RP1: variants seen among roughly 807,000 people sequenced by gnomAD.
The protein encoded by RP1 is oxygen-regulated protein 1.
RP1 carries 16 observed loss-of-function variants against 14.8 expected under a neutral mutation model. The observed-to-expected ratio is 1.08, with a 90% CI of 0.73 to 1.65. The LOEUF is 1.65. Ranked by LOEUF, RP1 falls within the 40% of genes most tolerant of loss-of-function variation. The pLI is 0.00. For missense variants in RP1, 2,631 were observed against 2,535.0 expected, an observed-to-expected ratio of 1.04 and a Z score of -0.81; for synonymous variants, 876 against 883.6, an observed-to-expected ratio of 0.99 and a Z score of 0.15.
chr8:54,687,553 A>T (rs551082266), intron 12 of RP1, among the ~76,000 whole-genome samples: 57 of 152,140 alleles, frequency 3.7e-4, no homozygotes, highest in Non-Finnish European at 7.1e-4. Context: ...GAGTGAAAAC[A>T]TGCGGTGTTT....
intron 1 of RP1, among the ~76,000 whole-genome samples, chr8:54,601,871 C>A (rs939182854): frequency 3.3e-5 from 5 of 152,136 alleles, no homozygotes; most frequent in Non-Finnish European, 7.3e-5. Context: ...ATGAAATGTT[C>A]AAAATAGGCA....
intron 6 of RP1, among the ~76,000 whole-genome samples, chr8:54,657,878 T>C (rs1363374563): frequency 6.6e-6 from 1 of 152,240 alleles, no homozygotes; most frequent in Admixed American, 6.5e-5. Context: ...TCACAGTCTG[T>C]GTGAGCTACT....
intron 28 of RP1, among the ~76,000 whole-genome samples, chr8:54,869,410 T>C (rs1230742467): frequency 6.6e-6 from 1 of 152,226 alleles, no homozygotes; most frequent in Non-Finnish European, 1.5e-5. Flanking sequence ...TTTTACCTTC[T>C]TTTTACTTCT....
At chr8:54,622,078 A>G in intron 2 of RP1, 39 bp from the exon 3 acceptor site, 2 of 1,605,514 alleles carry the variant, frequency 1.2e-6, no homozygotes, top group East Asian at 2.2e-5. Context: ...TTAGTATAAA[A>G]TGTGCTCATC....
At chr8:54,661,056 G>T (rs1017557114) in intron 6 of RP1, among the ~76,000 whole-genome samples, 1 of 151,306 alleles carries the variant, frequency 6.6e-6, no homozygotes, top group Admixed American at 6.6e-5. Flanking sequence ...GTTTACACTT[G>T]TAATCCCAGC....
At chr8:54,640,084 A>C (rs1009382926) in intron 3 of RP1, among the ~76,000 whole-genome samples, 2 of 147,764 alleles carry the variant, frequency 1.4e-5, no homozygotes, top group African/African-American at 5.0e-5. Context: ...TTTAATTCTT[A>C]CTTTGGGTCT....
intron 24 of RP1, among the ~76,000 whole-genome samples, chr8:54,788,395 G>T (rs987528242): frequency 4.6e-5 from 7 of 152,054 alleles, no homozygotes; most frequent in Admixed American, 2.0e-4. Context: ...TTTGATTTTG[G>T]CATAACTCTG....
intron 5 of RP1, among the ~76,000 whole-genome samples, chr8:54,654,744 C>A (rs1445266173): frequency 6.6e-6 from 1 of 152,092 alleles, no homozygotes; most frequent in African/African-American, 2.4e-5. Flanking sequence ...ACTTCCCAGG[C>A]TCAAGCGATC....
chr8:54,827,306 A>T (rs1811405370), intron 24 of RP1, among the ~76,000 whole-genome samples: 2 of 151,378 alleles, frequency 1.3e-5, no homozygotes, highest in South Asian at 4.2e-4. Flanking sequence ...GTACAGCAGT[A>T]CAAAAATATT....
At chr8:54,668,400 T>C (rs1475281923) in intron 7 of RP1, among the ~76,000 whole-genome samples, 1 of 152,138 alleles carries the variant, frequency 6.6e-6, no homozygotes, top group African/African-American at 2.4e-5. Flanking sequence ...GGAAGAACAT[T>C]CCATGCTTAT....
chr8:54,697,165 G>A (rs1402504954), intron 12 of RP1: 2 of 812,852 alleles, frequency 2.5e-6, no homozygotes, highest in Non-Finnish European at 4.1e-6. Context: ...TATCAATGAA[G>A]TGGAAGCATG....
intron 1 of RP1, among the ~76,000 whole-genome samples, chr8:54,559,820 A>G (rs1804245527): frequency 6.6e-6 from 1 of 152,122 alleles, no homozygotes; most frequent in African/African-American, 2.4e-5. Context: ...ATGATAAAGG[A>G]TGACTATTAG....
chr8:54,799,476 C>T (rs147518649), intron 24 of RP1, among the ~76,000 whole-genome samples: 1 of 152,034 alleles, frequency 6.6e-6, no homozygotes, highest in East Asian at 1.9e-4. Flanking sequence ...AGACCATTCT[C>T]ATTTAAAGTG....
chr8:54,645,183 A>C (rs956914434), intron 3 of RP1, among the ~76,000 whole-genome samples: 1 of 152,162 alleles, frequency 6.6e-6, no homozygotes, highest in Non-Finnish European at 1.5e-5. Flanking sequence ...ATTGTGAGTA[A>C]AACTACAATG....
intron 12 of RP1, among the ~76,000 whole-genome samples, chr8:54,687,002 GA>G (rs1807578797): frequency 6.6e-6 from 1 of 152,090 alleles, no homozygotes; most frequent in Non-Finnish European, 1.5e-5. Context: ...ACCAGGTTTT[GA>G]GTGTGGATTT....
chr8:54,784,945 C>A (rs1810282004), intron 24 of RP1, among the ~76,000 whole-genome samples: 1 of 151,550 alleles, frequency 6.6e-6, no homozygotes, highest in South Asian at 2.1e-4. Context: ...TTAAAGTTTT[C>A]TTTTTAATTG....
chr8:54,723,051 A>G (rs1183122158), intron 16 of RP1, among the ~76,000 whole-genome samples: 1 of 152,184 alleles, frequency 6.6e-6, no homozygotes, highest in African/African-American at 2.4e-5. Flanking sequence ...TCTGAGAGCC[A>G]GACTGCCAGT....
At chr8:54,696,498 C>T in intron 12 of RP1, 1 of 889,776 alleles carries the variant, frequency 1.1e-6, no homozygotes, top group Non-Finnish European at 1.8e-6. Flanking sequence ...GCAAAGCAGG[C>T]ACTTTTGGCA....
intron 23 of RP1, among the ~76,000 whole-genome samples, chr8:54,775,592 C>T (rs913137357): frequency 6.6e-6 from 1 of 152,188 alleles, no homozygotes; most frequent in East Asian, 1.9e-4. Flanking sequence ...CAAATCCTCC[C>T]AGCCACAGCT....
Sources: allele counts gnomAD v4.1 joint callset (sites outside exome capture counted in the v4.1 genomes callset), GRCh38; gene constraint gnomAD v4.1.1; transcripts MANE v1.5; gene names NCBI Gene and HGNC (gene_info 2026-07-23, HGNC 2026-07-21).